The following M1AP variants were observed in gnomAD, a reference collection of about 807,000 sequenced individuals.
M1AP encodes meiosis 1 associated protein, also known as meiosis 1 arrest protein.
A neutral mutation model predicts 51.2 loss-of-function variants in M1AP; 39 were observed. That is an observed-to-expected ratio of 0.76 (90% CI 0.59 to 1.00). The LOEUF (loss-of-function observed/expected upper bound fraction) is 1.00. M1AP is among the 50% of genes least tolerant of loss of function. The pLI is 0.00. For missense variants in M1AP, 545 were observed against 641.2 expected, an observed-to-expected ratio of 0.85 and a Z score of 1.62; for synonymous variants, 251 against 249.2, an observed-to-expected ratio of 1.01 and a Z score of -0.07.
At chr2:74,606,870 C>T (rs1014677456) in intron 4 of M1AP, among the ~76,000 whole-genome samples, 185 bp downstream of exon 4, 17 of 152,000 alleles carry the variant, frequency 1.1e-4, no homozygotes, top group African/African-American at 4.1e-4. Flanking sequence ...TTGTAAAAGA[C>T]TGCTCATTAA....
intron 2 of M1AP, among the ~76,000 whole-genome samples, chr2:74,636,432 T>C (rs562718900): frequency 6.6e-6 from 1 of 152,148 alleles, no homozygotes; most frequent in Non-Finnish European, 1.5e-5. Flanking sequence ...TTAATTGATG[T>C]TTTTAGGTCA....
chr2:74,584,825 TATA>T (rs1558660599), intron 4 of M1AP, among the ~76,000 whole-genome samples: 43 of 147,982 alleles, frequency 2.9e-4, no homozygotes, highest in African/African-American at 1.0e-3. Context: ...TATATATATA[TATA>T]TTTTATTATT....
intron 4 of M1AP, among the ~76,000 whole-genome samples, chr2:74,605,762 T>G (rs1469382420): frequency 1.3e-5 from 2 of 151,752 alleles, no homozygotes; most frequent in African/African-American, 2.4e-5. Context: ...TTAGCTGGGC[T>G]TGGTGGCGGG....
At chr2:74,606,991 C>A (rs912613435) in intron 4 of M1AP, 64 bp downstream of exon 4, 5 of 1,435,634 alleles carry the variant, frequency 3.5e-6, no homozygotes, top group Non-Finnish European at 4.9e-6. Context: ...TGTGCTGCAC[C>A]CATTAACTCA....
intron 5 of M1AP, among the ~76,000 whole-genome samples, chr2:74,578,861 C>T (rs1679241604): frequency 6.7e-6 from 1 of 148,574 alleles, no homozygotes. Flanking sequence ...TGTTTTCTTT[C>T]ATTTTTTGTA....
chr2:74,579,589 T>C (rs1474620539), intron 5 of M1AP, among the ~76,000 whole-genome samples: 1 of 152,138 alleles, frequency 6.6e-6, no homozygotes, highest in Non-Finnish European at 1.5e-5. Flanking sequence ...ATGGGGGTAA[T>C]ATTGTATTTA....
At chr2:74,635,610 G>A (rs550072138) in intron 2 of M1AP, among the ~76,000 whole-genome samples, 128 of 152,026 alleles carry the variant, frequency 8.4e-4, no homozygotes, top group African/African-American at 2.8e-3. Flanking sequence ...GCATTTTAGT[G>A]CCATAAATTT....
chr2:74,559,640 T>C (rs1677769737), intron 10 of M1AP, 58 bp downstream of exon 10: 2 of 717,924 alleles, frequency 2.8e-6, no homozygotes, highest in African/African-American at 1.7e-5. Context: ...GGGAGTCCTC[T>C]CAAGTTACTA....
chr2:74,614,221 C>T (rs565271436), intron 3 of M1AP, among the ~76,000 whole-genome samples: 30 of 152,324 alleles, frequency 2.0e-4, no homozygotes, highest in South Asian at 1.9e-3. Context: ...GGTTGTCTCT[C>T]CCATTTTGGA....
intron 2 of M1AP, chr2:74,628,543 A>C (rs1682530133): frequency 1.9e-6 from 1 of 515,252 alleles, no homozygotes; most frequent in East Asian, 5.0e-5. Context: ...AGCACTGCAC[A>C]GACTGTAAGT....
At chr2:74,645,459 G>A (rs10182423) in intron 1 of M1AP, among the ~76,000 whole-genome samples, 61 of 152,320 alleles carry the variant, frequency 4.0e-4, no homozygotes, top group African/African-American at 1.3e-3. Flanking sequence ...TCTGCAGGAA[G>A]GGCTTGGACA....
rs1485849068 is a variant in M1AP, at chr2:74,626,256, A to ATTTT, written c.241-11108_241-11107insAAAA. ...AGTTTAATATGTTAAGCTATATTTC[A>ATTTT]GTTTTTTTTTTTTTTTTTTTTGAGA... On this transcript the variant is annotated intron_variant, in intron 2 of 10. Transcript: ENST00000421985. 1.2e-3 allele frequency among the ~76,000 whole-genome samples: 166 copies of ATTTT among 136,464 alleles called. 5 individuals carry two copies. The highest frequency in any genetic ancestry group is 4.2e-3 in the African/African-American group (142 of 33,436). The allele number at this position is 136,464 out of a possible 152,430, so 89.5% of individuals were successfully genotyped here.
intron 4 of M1AP, among the ~76,000 whole-genome samples, chr2:74,593,553 G>C (rs1227676315): frequency 6.6e-6 from 1 of 152,008 alleles, no homozygotes; most frequent in Admixed American, 6.6e-5. Flanking sequence ...GCTAAGCTTT[G>C]TATTTTTAGT....
chr2:74,606,633 G>A (rs1681022906), intron 4 of M1AP, among the ~76,000 whole-genome samples: 1 of 151,844 alleles, frequency 6.6e-6, no homozygotes, highest in African/African-American at 2.4e-5. Context: ...AATGTTAGAA[G>A]GGATAGCCCA....
At chr2:74,643,248 T>C (rs1683413895) in intron 1 of M1AP, among the ~76,000 whole-genome samples, 2 of 152,134 alleles carry the variant, frequency 1.3e-5, no homozygotes, top group Non-Finnish European at 2.9e-5. Context: ...AATGTCAATC[T>C]ACATTAAAAT....
intron 7 of M1AP, among the ~76,000 whole-genome samples, chr2:74,567,560 T>C (rs749773690): frequency 6.6e-6 from 1 of 152,238 alleles, no homozygotes; most frequent in African/African-American, 2.4e-5. Context: ...CTTCATAGAA[T>C]GGTTATGGGG....
chr2:74,646,506 C>CA lies in M1AP; in HGVS notation c.-53+1758dup, dbSNP rs200943830. 9.9e-3 allele frequency among the ~76,000 whole-genome samples: 1,512 copies of CA among 152,030 alleles called. 30 individuals carry two copies. Among genetic ancestry groups the CA allele is most frequent in the African/African-American group, 0.035 (1,433 of 41,476 alleles). On this transcript the variant is annotated intron_variant, in intron 1 of 10. Transcript: ENST00000421985. ...GACATCCTACAGAAAGGGCCACTGG[C>CA]AAAAAGCTTCATTATTAAAGAAACT... is the stretch of plus-strand genomic sequence containing the variant.
chr2:74,605,419 T>C (rs1018952602), intron 4 of M1AP, among the ~76,000 whole-genome samples: 2 of 152,232 alleles, frequency 1.3e-5, no homozygotes, highest in African/African-American at 4.8e-5. Flanking sequence ...ATAGTCTCTT[T>C]CTTAAGATGT....
intron 1 of M1AP, among the ~76,000 whole-genome samples, chr2:74,642,602 G>A (rs145284815): frequency 6.6e-6 from 1 of 152,194 alleles, no homozygotes; most frequent in African/African-American, 2.4e-5. Flanking sequence ...TATAGTGAAG[G>A]TAGTAATGAG....
Sources: gnomAD v4.1 joint callset for allele counts (sites outside exome capture counted in the v4.1 genomes callset) on GRCh38, gnomAD v4.1.1 for gene constraint, MANE v1.5 for transcripts, NCBI Gene and HGNC (gene_info 2026-07-23, HGNC 2026-07-21) for gene names.